ACCSL: variants seen among roughly 807,000 people sequenced by gnomAD.
The protein encoded by ACCSL is probable inactive 1-aminocyclopropane-1-carboxylate synthase-like protein 2.
Under a neutral mutation model 61.7 loss-of-function variants are expected in ACCSL, and 55 were observed. The observed-to-expected ratio is 0.89, with a 90% CI of 0.72 to 1.12. The LOEUF (loss-of-function observed/expected upper bound fraction) is 1.12, where lower values mean the gene tolerates loss of function less well. Among genes scored for constraint, ACCSL ranks in the 50% most tolerant of loss-of-function variants. ACCSL has a pLI of 0.00. For missense variants in ACCSL, 632 were observed against 698.0 expected, an observed-to-expected ratio of 0.91 and a Z score of 1.07; for synonymous variants, 258 against 264.3, an observed-to-expected ratio of 0.98 and a Z score of 0.23.
the ACCSL span, among the ~76,000 whole-genome samples, chr11:43,985,382 C>T: frequency 2.6e-5 from 4 of 152,132 alleles, no homozygotes; most frequent in Non-Finnish European, 4.4e-5. Context: ...ATGGGAGAGC[C>T]GAGGCCATGG....
At chr11:43,999,048 A>G in the ACCSL span, among the ~76,000 whole-genome samples, 1 of 152,144 alleles carries the variant, frequency 6.6e-6, no homozygotes, top group Non-Finnish European at 1.5e-5. Context: ...CTCTGTATGT[A>G]TGCTAAGTGG....
the ACCSL span, chr11:43,943,544 A>T: frequency 3.0e-6 from 4 of 1,321,430 alleles, no homozygotes; most frequent in African/African-American, 6.0e-5. This position sits in a 1 kb window ranked among gnomAD's most constrained non-coding sequence, Gnocchi z 4.8. Flanking sequence ...CTCTGCTGTG[A>T]GTGTGTGCGG....
the ACCSL span, among the ~76,000 whole-genome samples, chr11:43,968,817 T>C: frequency 1.3e-5 from 2 of 152,196 alleles, no homozygotes; most frequent in East Asian, 1.9e-4. Context: ...TTCAGCTTTG[T>C]GCAGGAAGTA....
the ACCSL span, among the ~76,000 whole-genome samples, chr11:44,024,439 CTCTGTGTGTG>C: frequency 1.6e-4 from 8 of 48,964 alleles, no homozygotes; most frequent in East Asian, 1.9e-3. Context: ...CTCTCTCTCT[CTCTGTGTGTG>C]TGTGTGTGTG....
the ACCSL span, among the ~76,000 whole-genome samples, chr11:43,928,629 C>G: frequency 6.6e-6 from 1 of 152,106 alleles, no homozygotes; most frequent in Non-Finnish European, 1.5e-5. Context: ...GTGTGCTTCT[C>G]AAAGGTGGAT....
chr11:44,009,999 GTT>G, the ACCSL span, among the ~76,000 whole-genome samples: 1 of 152,162 alleles, frequency 6.6e-6, no homozygotes, highest in East Asian at 1.9e-4. Context: ...ACTGCTTGGT[GTT>G]GGAAGAACTA....
rs1447684146 is a variant in ACCSL at position 44,053,467 on chromosome 11, C to T, written c.1010C>T (p.Ser337Phe). 1 of 1,614,156 alleles carries T rather than the reference C, an allele frequency of 6.2e-7. No homozygotes were observed. Among genetic ancestry groups the T allele is most frequent in the Admixed American group, 1.7e-5 (1 of 60,026 alleles). ...NPQNPLGDIY[S>F]PDSLMKYLEF... ...CAGAATCCTCTGGGTGACATCTACT[C>T]CCCAGACTCACTGATGAAATACCTG... The change falls in exon 8 of 14, where the codon TCC becomes TTC. Residue 337 changes from serine to phenylalanine, a missense_variant. Transcript: ENST00000378832.
the ACCSL span, among the ~76,000 whole-genome samples, chr11:43,934,464 C>CCA: frequency 2.2e-4 from 33 of 152,222 alleles, no homozygotes; most frequent in Non-Finnish European, 4.6e-4. Flanking sequence ...CATTTGCATT[C>CCA]CACACACACA....
the ACCSL span, among the ~76,000 whole-genome samples, chr11:43,923,600 G>A: frequency 1.3e-5 from 2 of 152,184 alleles, no homozygotes; most frequent in East Asian, 3.8e-4. Context: ...TCCTGCATCT[G>A]GGTGTCAATA....
intron 2 of ACCSL, 66 bp from the exon 3 acceptor site, chr11:44,050,486 T>C: frequency 7.1e-7 from 1 of 1,413,142 alleles, no homozygotes; most frequent in South Asian, 1.2e-5. Flanking sequence ...ATGTACAAAC[T>C]AGGAGTAGAA....
At chr11:44,053,128 T>C (rs1328753554) in intron 7 of ACCSL, 60 bp downstream of exon 7, 3 of 1,471,820 alleles carry the variant, frequency 2.0e-6, no homozygotes, top group African/African-American at 1.4e-5. Flanking sequence ...GGTTTGAGTA[T>C]TGAAATTCTG....
chr11:43,984,487 T>C, the ACCSL span, among the ~76,000 whole-genome samples: 1 of 152,154 alleles, frequency 6.6e-6, no homozygotes, highest in Admixed American at 6.5e-5. Flanking sequence ...AAACAGAAGA[T>C]GGGAGTGCAG....
At chr11:43,999,637 T>C in the ACCSL span, among the ~76,000 whole-genome samples, 1 of 152,168 alleles carries the variant, frequency 6.6e-6, no homozygotes, top group Non-Finnish European at 1.5e-5. Context: ...TACGCCTTCT[T>C]TGCTGTATTC....
chr11:44,026,563 G>C, the ACCSL span, among the ~76,000 whole-genome samples: 1 of 152,082 alleles, frequency 6.6e-6, no homozygotes, highest in Non-Finnish European at 1.5e-5. Context: ...AATGCTTTTT[G>C]TTCTTATGTA....
chr11:44,017,613 C>A, the ACCSL span, among the ~76,000 whole-genome samples: 1 of 152,120 alleles, frequency 6.6e-6, no homozygotes, highest in Non-Finnish European at 1.5e-5. Flanking sequence ...AAGAGTGCAG[C>A]CAGACATCAG....
At chr11:43,980,351 T>A in the ACCSL span, among the ~76,000 whole-genome samples, 1 of 152,238 alleles carries the variant, frequency 6.6e-6, no homozygotes, top group Non-Finnish European at 1.5e-5. Flanking sequence ...ACTACCACAT[T>A]GTTCTGTAGA....
chr11:44,048,104 A>G lies in ACCSL; in HGVS notation c.68A>G (p.His23Arg). ...GQRRGRVPRD[H>R]SIYTQLLEIT... Reference sequence around the variant, plus strand: ...AGGAGAGGCCGGGTCCCCAGAGACCACAGCATCTATACCCAGCTGTTGGAG... The same window carrying G: ...AGGAGAGGCCGGGTCCCCAGAGACCGCAGCATCTATACCCAGCTGTTGGAG... The change falls in exon 1 of 14, where the codon CAC becomes CGC. Residue 23 changes from histidine (H) to arginine (R), a missense_variant. Physicochemically the swap from His to Arg is conservative, Grantham distance 29. Coordinates refer to ENST00000378832, the MANE Select transcript of ACCSL (RefSeq NM_001031854.2). The G allele has an allele frequency of 6.2e-7, 1 of 1,614,206 alleles. No homozygotes were observed. The highest frequency in any genetic ancestry group is 1.3e-5 in the African/African-American group (1 of 75,058).
rs879509706 is a variant in ACCSL, at chr11:44,058,460, G to A, written c.1470+1G>A. The A allele has an allele frequency of 1.3e-5, 21 of 1,614,074 alleles. No individual in the cohort carries two copies. Among genetic ancestry groups the A allele is most frequent in the Admixed American group, 1.7e-5 (1 of 60,000 alleles). ...CTATGTCTGGATCAACTTGAAAAAG[G>A]TGTGTTCTGGGAATGAGGACAGGTG... On this transcript the variant is annotated splice_donor_variant, in intron 12 of 13. Transcript: ENST00000378832. LOFTEE classifies it high-confidence loss of function.
the ACCSL span, among the ~76,000 whole-genome samples, chr11:44,005,195 G>C: frequency 5.3e-3 from 799 of 151,960 alleles, 6 homozygotes; most frequent in African/African-American, 0.018. Context: ...CTCGACAAGA[G>C]TCCCACTCTT....
Sources: allele counts gnomAD v4.1 joint callset (sites outside exome capture counted in the v4.1 genomes callset), GRCh38; gene constraint gnomAD v4.1.1; non-coding constraint Gnocchi (gnomAD v3.1); transcripts MANE v1.5; gene names NCBI Gene and HGNC (gene_info 2026-07-23, HGNC 2026-07-21).